Variants in LRRC8D observed in about 807,000 individuals in gnomAD.
LRRC8D encodes leucine rich repeat containing 8 VRAC subunit D.
A neutral mutation model predicts 55.8 loss-of-function variants in LRRC8D; 20 were observed. The ratio of observed to expected loss-of-function variants is 0.36; its 90% CI spans 0.25 to 0.52. The LOEUF is 0.52. Among genes scored for constraint, LRRC8D ranks in the 20% least tolerant of loss-of-function variants. The pLI is 0.93. For synonymous variants in LRRC8D, 352 were observed against 377.0 expected (o/e 0.93, Z 0.77); for missense variants, 651 against 1,030.8 (o/e 0.63, Z 5.05).
chr1:89,918,493 C>A (rs188747184), intron 2 of LRRC8D, among the ~76,000 whole-genome samples: 30 of 152,356 alleles, frequency 2.0e-4, no homozygotes, highest in East Asian at 1.5e-3. Flanking sequence ...GTGCTGGCAC[C>A]TTCACTGTCT....
At chr1:89,894,159 A>G (rs548862389) in intron 2 of LRRC8D, among the ~76,000 whole-genome samples, 1 of 152,340 alleles carries the variant, frequency 6.6e-6, no homozygotes, top group Admixed American at 6.5e-5. Flanking sequence ...GTGAGGATAG[A>G]CAGGGAAGTC....
chr1:89,894,582 G>A (rs1662660246), intron 2 of LRRC8D, among the ~76,000 whole-genome samples: 1 of 152,124 alleles, frequency 6.6e-6, no homozygotes, highest in South Asian at 2.1e-4. Context: ...TAGCCCATTG[G>A]GTTTAGAGGT....
At chr1:89,886,290 G>C (rs1441135685) in intron 2 of LRRC8D, among the ~76,000 whole-genome samples, 1 of 151,720 alleles carries the variant, frequency 6.6e-6, no homozygotes, top group Non-Finnish European at 1.5e-5. Context: ...CTTCTCAAGA[G>C]CCCCGGACGG....
chr1:89,894,649 C>T (rs867155133), intron 2 of LRRC8D, among the ~76,000 whole-genome samples: 1 of 151,966 alleles, frequency 6.6e-6, no homozygotes, highest in African/African-American at 2.4e-5. Flanking sequence ...ACAGAGTAAA[C>T]CAAGAAGATA....
At chr1:89,901,875 G>A (rs1185975935) in intron 2 of LRRC8D, among the ~76,000 whole-genome samples, 4 of 152,202 alleles carry the variant, frequency 2.6e-5, no homozygotes, top group Admixed American at 2.6e-4. Context: ...TGAAGGCTTC[G>A]TCTTCTTCCT....
rs370151504 is a variant in LRRC8D, at chr1:89,872,028, C to T, written c.-3+28246C>T. 1.1e-4 allele frequency among the ~76,000 whole-genome samples: 16 copies of T among 152,350 alleles called. 1 individual carries two copies. Among genetic ancestry groups the T allele is most frequent in the Admixed American group, 3.9e-4 (6 of 15,298 alleles). On this transcript the variant is annotated intron_variant, in intron 2 of 2. Transcript: ENST00000337338. The stretch of plus-strand genomic sequence containing the variant: ...TATTGTTCAGTTCCTTGGATGATCT[C>T]ATCCTCATTACCTGGCAATCTCTGG...
rs1661769356 is a variant in LRRC8D, at chr1:89,863,455, T to C, written c.-3+19673T>C. 2.0e-5 allele frequency among the ~76,000 whole-genome samples: 3 copies of C among 152,182 alleles called. No individual in the cohort carries two copies. In the South Asian group the frequency reaches 6.2e-4, roughly 31 times the overall value. The stretch of plus-strand genomic sequence containing the variant: ...CTGGGAACCTCAGTTTCTTTTTGCC[T>C]CCTTAGTGATCCTAATAACCTGGAA... On this transcript the variant is annotated intron_variant, in intron 2 of 2. Transcript: ENST00000337338.
rs1333321242 is a variant in LRRC8D at position 89,843,621 on chromosome 1, CCT to C, written c.-147-16_-147-15del. ...TGGATCTCTCTAGCTCTTTCTCTCC[CCT>C]GTGTTTTCAAACAGGAAGTGCACGG... On this transcript the variant is annotated splice_polypyrimidine_tract_variant and intron_variant, in intron 1 of 2. Coordinates refer to ENST00000337338, the MANE Select transcript of LRRC8D (RefSeq NM_001134479.2). The C allele has an allele frequency of 1.4e-5, 10 of 701,814 alleles. No individual in the cohort carries two copies. Among genetic ancestry groups the C allele is most frequent in the Non-Finnish European group, 2.1e-5 (8 of 384,656 alleles). 43.5% of individuals were successfully genotyped at this position (701,814 alleles called of 1,614,324 possible). A position where few individuals can be genotyped will look rare whatever the true frequency, so the allele number is the denominator to read the frequency against.
At position 89,934,310 on chromosome 1, in the gene LRRC8D, C is replaced by T. The variant is rs76370820; in HGVS notation, c.1242C>T (p.Asn414=). The T allele has an allele frequency of 1.7e-3, 2,666 of 1,613,884 alleles. 39 individuals carry two copies. In the African/African-American group the frequency reaches 0.031, roughly 19 times the overall value. The change falls in exon 3 of 3, where the codon AAC becomes AAT. Residue 414 remains asparagine (N), a synonymous_variant. Transcript: ENST00000337338. The surrounding 1 kb of genome is among the most constrained non-coding windows in gnomAD (Gnocchi z 5.9). The part of the protein sequence containing the change: ...SSFSDIPDVK[N]DFAFLLHMVD... ...TTAGTGACATTCCAGATGTCAAAAA[C>T]GATTTTGCGTTCCTTCTTCACATGG...
chr1:89,823,504 T>C (rs1660690774), intron 1 of LRRC8D, among the ~76,000 whole-genome samples: 1 of 152,238 alleles, frequency 6.6e-6, no homozygotes, highest in African/African-American at 2.4e-5. Context: ...CTCGATTCTG[T>C]TCTCAGTACT....
chr1:89,864,415 T>C (rs1394272338), intron 2 of LRRC8D, among the ~76,000 whole-genome samples: 1 of 152,218 alleles, frequency 6.6e-6, no homozygotes, highest in Non-Finnish European at 1.5e-5. Context: ...AAGACACCAC[T>C]ATCCACCAGT....
chr1:89,848,469 AT>A (rs1439194457), intron 2 of LRRC8D, among the ~76,000 whole-genome samples: 2 of 151,992 alleles, frequency 1.3e-5, no homozygotes, highest in East Asian at 1.9e-4. Context: ...AGTCTCTCTG[AT>A]TTCTGTGTGT....
At chr1:89,901,919 G>A (rs979117044) in intron 2 of LRRC8D, among the ~76,000 whole-genome samples, 6 of 152,122 alleles carry the variant, frequency 3.9e-5, no homozygotes, top group Non-Finnish European at 7.4e-5. Context: ...CCTTTCCACC[G>A]AAGCCTCACA....
intron 1 of LRRC8D, among the ~76,000 whole-genome samples, chr1:89,827,679 A>G (rs1660796166): frequency 6.6e-6 from 1 of 152,208 alleles, no homozygotes; most frequent in Admixed American, 6.5e-5. Flanking sequence ...CTTTATTCTA[A>G]TAAGCCCAAG....
At chr1:89,831,266 T>G (rs567528270) in intron 1 of LRRC8D, among the ~76,000 whole-genome samples, 1 of 152,188 alleles carries the variant, frequency 6.6e-6, no homozygotes, top group South Asian at 2.1e-4. Flanking sequence ...TTTCATCCTT[T>G]TCTTTCCCAA....
chr1:89,837,520 C>T (rs113981322), intron 1 of LRRC8D, among the ~76,000 whole-genome samples: 324 of 152,278 alleles, frequency 2.1e-3, no homozygotes, highest in Non-Finnish European at 3.9e-3. Context: ...GCCAGGCTAT[C>T]GAAGTTTTAG....
intron 2 of LRRC8D, among the ~76,000 whole-genome samples, chr1:89,844,763 C>A (rs1265161990): frequency 1.3e-5 from 2 of 152,190 alleles, no homozygotes; most frequent in Non-Finnish European, 2.9e-5. Context: ...CTTCTCCCCC[C>A]AGTGAAAGCC....
intron 2 of LRRC8D, among the ~76,000 whole-genome samples, chr1:89,848,634 C>T (rs1661336909): frequency 6.6e-6 from 1 of 152,066 alleles, no homozygotes; most frequent in African/African-American, 2.4e-5. Flanking sequence ...GACAAATAGA[C>T]ACTGATTATC....
At chr1:89,915,681 CT>C (rs1663249360) in intron 2 of LRRC8D, among the ~76,000 whole-genome samples, 1 of 152,196 alleles carries the variant, frequency 6.6e-6, no homozygotes, top group Non-Finnish European at 1.5e-5. Flanking sequence ...GTCCTTTCCT[CT>C]GTGGGCCATA....
Sources: allele counts gnomAD v4.1 joint callset (sites outside exome capture counted in the v4.1 genomes callset), GRCh38; gene constraint gnomAD v4.1.1; non-coding constraint Gnocchi (gnomAD v3.1); transcripts MANE v1.5; gene names NCBI Gene and HGNC (gene_info 2026-07-23, HGNC 2026-07-21).